TANK: variants seen among roughly 807,000 people sequenced by gnomAD.
TANK encodes TRAF family member-associated NF-kappa-B activator.
TANK carries 15 observed loss-of-function variants against 43.6 expected under a neutral mutation model. That is an observed-to-expected ratio of 0.34 (90% CI 0.23 to 0.53). The LOEUF is 0.53. Among genes scored for constraint, TANK ranks in the 20% least tolerant of loss-of-function variants. The probability of loss-of-function intolerance (pLI) is 0.94; values close to 1 mark genes in which losing one functional copy is unlikely to be tolerated. For missense variants in TANK, 417 were observed against 498.6 expected (o/e 0.84, Z 1.56); for synonymous variants, 162 against 178.2 (o/e 0.91, Z 0.73).
intron 1 of TANK, among the ~76,000 whole-genome samples, chr2:161,139,443 T>C (rs959910946): frequency 6.6e-6 from 1 of 152,210 alleles, no homozygotes; most frequent in Admixed American, 6.5e-5. Flanking sequence ...TAGAGACAAC[T>C]GTATGGTTTT....
chr2:161,137,311 C>T, intron 1 of TANK: 30 of 920,846 alleles, frequency 3.3e-5, no homozygotes, highest in Non-Finnish European at 3.9e-5. Context: ...ATCACTTGAG[C>T]CCAGGAGTTT....
intron 1 of TANK, among the ~76,000 whole-genome samples, chr2:161,141,330 A>G (rs1447157132): frequency 6.6e-6 from 1 of 151,934 alleles, no homozygotes; most frequent in Admixed American, 6.6e-5. Context: ...TTTCTTTTTT[A>G]TTATTATTTT....
intron 2 of TANK, among the ~76,000 whole-genome samples, chr2:161,181,620 G>T (rs930956650): frequency 1.4e-4 from 21 of 152,196 alleles, no homozygotes; most frequent in African/African-American, 5.1e-4. Context: ...GAGCAAGGAG[G>T]GGGGGATGTG....
rs184559222 is a variant in TANK at position 161,207,918 on chromosome 2, A to T, written c.327+3125A>T. On this transcript the variant is annotated intron_variant, in intron 4 of 7. Coordinates refer to ENST00000392749, the MANE Select transcript of TANK (RefSeq NM_001199135.3). ...TTTATTCTATTTTTAATATACTTTA[A>T]TGGTCTTCTGCAAAACTAACCTATT... 246 of 977,518 alleles carry T rather than the reference A, an allele frequency of 2.5e-4. 2 individuals carry two copies. In the African/African-American group the frequency reaches 4.0e-3, roughly 16 times the overall value. 60.6% of individuals were successfully genotyped at this position (977,518 alleles called of 1,614,324 possible). A position where few individuals can be genotyped will look rare whatever the true frequency, so the allele number is the denominator to read the frequency against.
intron 2 of TANK, among the ~76,000 whole-genome samples, chr2:161,182,579 G>C (rs1685477788): frequency 6.6e-6 from 1 of 152,044 alleles, no homozygotes. Context: ...TTCTGTCTTT[G>C]GGGAGTTGGG....
intron 6 of TANK, among the ~76,000 whole-genome samples, chr2:161,230,276 A>G (rs1238915831): frequency 2.0e-5 from 3 of 152,194 alleles, no homozygotes; most frequent in African/African-American, 4.8e-5. Context: ...AATTTGTTGG[A>G]TAAGTGGTTC....
intron 4 of TANK, chr2:161,212,071 T>TC (rs1361773144): frequency 1.2e-6 from 1 of 802,782 alleles, no homozygotes; most frequent in Non-Finnish European, 1.5e-6. Context: ...AACTTTTTTT[T>TC]TTTTTTTGAG....
intron 1 of TANK, among the ~76,000 whole-genome samples, chr2:161,153,549 A>T (rs959445317): frequency 1.3e-5 from 2 of 151,866 alleles, no homozygotes; most frequent in Non-Finnish European, 2.9e-5. Flanking sequence ...TTAGCCAGGC[A>T]TGATGGTGCA....
Position 161,160,431 on chromosome 2 carries a change from C to G in TANK, c.-105C>G, listed in dbSNP as rs978733473. ...AATGCAACTTCCGGTTGGAGTCACTCGGCCAGGCGCCGGCGACCTGAGGGG... is the reference window on the plus strand; with the variant it reads ...AATGCAACTTCCGGTTGGAGTCACTGGGCCAGGCGCCGGCGACCTGAGGGG... On this transcript the variant is annotated 5_prime_UTR_variant, in exon 1 of 8. Transcript: ENST00000392749. 78 of 1,240,424 alleles carry G rather than the reference C, an allele frequency of 6.3e-5. No homozygotes were observed. Among genetic ancestry groups the G allele is most frequent in the Non-Finnish European group, 1.0e-5 (10 of 992,172 alleles). The allele number at this position is 1,240,424 out of a possible 1,614,324, so 76.8% of individuals were successfully genotyped here.
intron 1 of TANK, among the ~76,000 whole-genome samples, chr2:161,143,220 G>T (rs1683802715): frequency 6.6e-6 from 1 of 152,066 alleles, no homozygotes. Flanking sequence ...AGGAGGTTTG[G>T]GGCTGAGATT....
At chr2:161,205,572 T>C (rs753449889) in intron 4 of TANK, among the ~76,000 whole-genome samples, 49 of 152,160 alleles carry the variant, frequency 3.2e-4, no homozygotes, top group Admixed American at 5.9e-4. Flanking sequence ...AGTACATATC[T>C]GCAAGGAGAC....
chr2:161,232,539 A>G (rs1363825758), intron 7 of TANK, among the ~76,000 whole-genome samples: 1 of 152,224 alleles, frequency 6.6e-6, no homozygotes, highest in African/African-American at 2.4e-5. Flanking sequence ...ATAAGTTTTA[A>G]TTATAACCTC....
Position 161,201,160 on chromosome 2 carries a change from T to G in TANK, c.100-2327T>G, listed in dbSNP as rs557314792. 3 of 985,482 alleles carry G rather than the reference T, an allele frequency of 3.0e-6. No homozygotes were observed. The African/African-American group carries it at 5.2e-5, about 17-fold the overall frequency. The allele number at this position is 985,482 out of a possible 1,614,324, so 61.0% of individuals were successfully genotyped here. A position where few individuals can be genotyped will look rare whatever the true frequency, so the allele number is the denominator to read the frequency against. Reference sequence around the variant, plus strand: ...ACTATACTTCCAGAGTGTTGGTTTTTAAAATTATTGTAGACTTTGCTCGAC... The same window carrying G: ...ACTATACTTCCAGAGTGTTGGTTTTGAAAATTATTGTAGACTTTGCTCGAC... On this transcript the variant is annotated intron_variant, in intron 2 of 7. Coordinates refer to ENST00000392749, the MANE Select transcript of TANK (RefSeq NM_001199135.3).
At chr2:161,191,249 T>C (rs1685902118) in intron 2 of TANK, among the ~76,000 whole-genome samples, 1 of 152,206 alleles carries the variant, frequency 6.6e-6, no homozygotes, top group South Asian at 2.1e-4. Flanking sequence ...TTTTAAAATA[T>C]TATTGGCTTA....
chr2:161,165,930 T>C (rs764853559), intron 1 of TANK, among the ~76,000 whole-genome samples: 33 of 152,332 alleles, frequency 2.2e-4, no homozygotes, highest in Non-Finnish European at 4.3e-4. Context: ...ACTGTTTAGT[T>C]GTGCACTTAA....
chr2:161,166,763 CTA>C (rs2105263198), intron 1 of TANK, among the ~76,000 whole-genome samples: 1 of 151,924 alleles, frequency 6.6e-6, no homozygotes, highest in African/African-American at 2.4e-5. Flanking sequence ...TTGCTGCACT[CTA>C]CCCTTGGGGG....
rs539687865 is a variant in TANK, at chr2:161,231,079, C to T, written c.629C>T (p.Thr210Ile). The change falls in exon 7 of 8, where the codon ACA becomes ATA. Residue 210 changes from threonine to isoleucine, a missense_variant. Thr to Ile is a moderately conservative substitution (Grantham distance 89). Transcript: ENST00000392749. Reference sequence around the variant, plus strand: ...ATAAATAGAGGTGCACCATCCATCACATCTGTCACACCAAGAGGACTGTGC... The same window carrying T: ...ATAAATAGAGGTGCACCATCCATCATATCTGTCACACCAAGAGGACTGTGC... ...DDINRGAPSI[T>I]SVTPRGLCRD... The T allele has an allele frequency of 1.1e-5, 17 of 1,614,124 alleles. No homozygotes were observed. The highest frequency in any genetic ancestry group is 1.3e-5 in the Non-Finnish European group (15 of 1,179,988).
chr2:161,201,379 C>T (rs1012531745), intron 2 of TANK: 9 of 633,850 alleles, frequency 1.4e-5, no homozygotes, highest in African/African-American at 8.0e-5. Context: ...CTGGCAGAAG[C>T]TTTCTGAGTT....
chr2:161,206,571 A>G (rs1686663489), intron 4 of TANK, among the ~76,000 whole-genome samples: 1 of 152,130 alleles, frequency 6.6e-6, no homozygotes, highest in Admixed American at 6.5e-5. Flanking sequence ...CCCTTAGTAC[A>G]TATATTTTTA....
Sources: allele counts gnomAD v4.1 joint callset (sites outside exome capture counted in the v4.1 genomes callset), GRCh38; gene constraint gnomAD v4.1.1; transcripts MANE v1.5; gene names NCBI Gene and HGNC (gene_info 2026-07-23, HGNC 2026-07-21).